The following RBFOX1 variants were observed in gnomAD, a reference collection of about 807,000 sequenced individuals.
RBFOX1 encodes the protein RNA binding protein fox-1 homolog 1.
A neutral mutation model predicts 57.7 loss-of-function variants in RBFOX1; 8 were observed. The ratio of observed to expected loss-of-function variants is 0.14; its 90% CI spans 0.08 to 0.25. The LOEUF is 0.25. Among genes scored for constraint, RBFOX1 ranks in the 10% least tolerant of loss-of-function variants. The pLI is 1.00. For missense variants in RBFOX1, 611 were observed against 548.5 expected (o/e 1.11, Z -1.14); for synonymous variants, 326 against 222.4 (o/e 1.47, Z -4.15).
chr16:5,619,210 A>C (rs985990787), intron 3 of RBFOX1, among the ~76,000 whole-genome samples: 3 of 151,950 alleles, frequency 2.0e-5, no homozygotes, highest in African/African-American at 7.3e-5. Flanking sequence ...TGTTGGCCCC[A>C]CTCTCTTCCC....
At chr16:7,264,046 C>G (rs1734169738) in intron 4 of RBFOX1, among the ~76,000 whole-genome samples, 1 of 151,918 alleles carries the variant, frequency 6.6e-6, no homozygotes, top group Non-Finnish European at 1.5e-5. Context: ...TCAAGCTAGA[C>G]ACTTTGCTTT....
intron 4 of RBFOX1, among the ~76,000 whole-genome samples, chr16:7,492,816 T>C (rs2067354986): frequency 6.6e-6 from 1 of 152,238 alleles, no homozygotes; most frequent in African/African-American, 2.4e-5. Flanking sequence ...TGCTTCTGCT[T>C]CACCTTCCAC....
intron 3 of RBFOX1, among the ~76,000 whole-genome samples, chr16:6,691,083 A>C (rs1406271318): frequency 1.3e-5 from 2 of 152,108 alleles, no homozygotes; most frequent in Non-Finnish European, 2.9e-5. Context: ...TGACGATGTC[A>C]CTGTGTCTTG....
intron 4 of RBFOX1, among the ~76,000 whole-genome samples, chr16:7,494,419 C>G (rs2067922486): frequency 6.6e-6 from 1 of 152,120 alleles, no homozygotes; most frequent in South Asian, 2.1e-4. Context: ...CTTCTCTGCT[C>G]CCTCAACATG....
At chr16:7,131,410 C>A (rs565710776) in intron 4 of RBFOX1, among the ~76,000 whole-genome samples, 44 of 130,820 alleles carry the variant, frequency 3.4e-4, no homozygotes, top group African/African-American at 1.3e-3. Context: ...TCAGTGCCTA[C>A]TTATGTTTTA....
At chr16:6,956,761 C>G (rs58554423) in intron 3 of RBFOX1, among the ~76,000 whole-genome samples, 10,287 of 152,252 alleles carry the variant, frequency 0.068, 679 homozygotes, top group African/African-American at 0.17. Context: ...TTTGACCAGG[C>G]ACAGATGGGT....
At chr16:6,246,650 A>G (rs915265073) in intron 1 of RBFOX1, among the ~76,000 whole-genome samples, 1 of 152,194 alleles carries the variant, frequency 6.6e-6, no homozygotes, top group Non-Finnish European at 1.5e-5. Context: ...AGGATGCAAA[A>G]TGTTAGATGT....
At chr16:6,542,476 C>G (rs1409838912) in intron 2 of RBFOX1, among the ~76,000 whole-genome samples, 6 of 65,760 alleles carry the variant, frequency 9.1e-5, no homozygotes, top group South Asian at 6.3e-4. Context: ...CTGTGTGGGA[C>G]CATAGTCTTT....
chr16:7,683,583 A>G (rs987962883), intron 14 of RBFOX1, among the ~76,000 whole-genome samples: 1 of 151,854 alleles, frequency 6.6e-6, no homozygotes. Context: ...CCACGTGGGT[A>G]GACACTTTTG....
At chr16:5,914,775 G>A (rs1252355050) in intron 4 of RBFOX1, among the ~76,000 whole-genome samples, 1 of 152,014 alleles carries the variant, frequency 6.6e-6, no homozygotes, top group Non-Finnish European at 1.5e-5. Context: ...GGCGCCTGTA[G>A]TCCCAGCTAC....
At chr16:7,061,071 T>A (rs9925834) in intron 4 of RBFOX1, among the ~76,000 whole-genome samples, 1 of 151,502 alleles carries the variant, frequency 6.6e-6, no homozygotes, top group Non-Finnish European at 1.5e-5. Context: ...AGGAAAAAAC[T>A]GGCAGAAGTT....
At chr16:6,573,254 C>T (rs778801483) in intron 2 of RBFOX1, among the ~76,000 whole-genome samples, 2 of 152,054 alleles carry the variant, frequency 1.3e-5, no homozygotes, top group Non-Finnish European at 2.9e-5. Context: ...GTGGGTTTGC[C>T]GTGACTGCCA....
chr16:7,702,251 G>A (rs2080984371), intron 14 of RBFOX1, among the ~76,000 whole-genome samples: 1 of 152,202 alleles, frequency 6.6e-6, no homozygotes, highest in Non-Finnish European at 1.5e-5. Flanking sequence ...ATACTGAGGT[G>A]TCCTAAGCTC....
At chr16:6,889,375 A>C (rs1364477688) in intron 3 of RBFOX1, among the ~76,000 whole-genome samples, 3 of 152,202 alleles carry the variant, frequency 2.0e-5, no homozygotes, top group African/African-American at 7.2e-5. Flanking sequence ...TTCCCTCTGC[A>C]GTAAGGCCAG....
At chr16:6,792,557 G>C (rs1378382772) in intron 3 of RBFOX1, among the ~76,000 whole-genome samples, 2 of 152,144 alleles carry the variant, frequency 1.3e-5, no homozygotes, top group Non-Finnish European at 2.9e-5. Flanking sequence ...ATGTCCCCAT[G>C]TACACTCAAC....
intron 3 of RBFOX1, among the ~76,000 whole-genome samples, chr16:6,952,934 T>C (rs1375405818): frequency 6.6e-6 from 1 of 151,786 alleles, no homozygotes; most frequent in African/African-American, 2.4e-5. Flanking sequence ...TATTGCCCCA[T>C]TGCACTCCAG....
intron 4 of RBFOX1, among the ~76,000 whole-genome samples, chr16:7,138,782 C>G (rs2072771966): frequency 6.6e-6 from 1 of 152,120 alleles, no homozygotes; most frequent in South Asian, 2.1e-4. Context: ...ACATCCATTT[C>G]CCTTTGGAGA....
intron 1 of RBFOX1, among the ~76,000 whole-genome samples, chr16:6,049,956 G>GTTTTTT (rs3048284): frequency 7.4e-6 from 1 of 135,176 alleles, no homozygotes; most frequent in Non-Finnish European, 1.6e-5. Context: ...AGCTTAAAAC[G>GTTTTTT]TTTTTTTTTT....
chr16:6,667,835 C>T lies in RBFOX1; in HGVS notation c.-16+13185C>T, dbSNP rs1014666652. On this transcript the variant is annotated intron_variant, in intron 3 of 15. Coordinates refer to ENST00000550418, the MANE Select transcript of RBFOX1 (RefSeq NM_018723.4). Reference sequence around the variant, plus strand: ...GCCCAGGAGTTCGAGGCTGCAGTGACCTATAGTCGTACCACCACACTCCAG... The same window carrying T: ...GCCCAGGAGTTCGAGGCTGCAGTGATCTATAGTCGTACCACCACACTCCAG... Among the ~76,000 whole-genome samples, 10 of 151,992 alleles carry T rather than the reference C, an allele frequency of 6.6e-5. No homozygotes were observed. In the East Asian group the frequency reaches 1.6e-3, roughly 24 times the overall value.
Sources: allele counts gnomAD v4.1 joint callset (sites outside exome capture counted in the v4.1 genomes callset), GRCh38; gene constraint gnomAD v4.1.1; transcripts MANE v1.5; gene names NCBI Gene and HGNC (gene_info 2026-07-23, HGNC 2026-07-21).